Variants in BANK1 observed in about 807,000 individuals in gnomAD.
BANK1 encodes B-cell scaffold protein with ankyrin repeats.
In BANK1, 95 loss-of-function variants were observed where a neutral mutation model predicts 94.5. The observed-to-expected ratio is 1.00, with a 90% CI of 0.85 to 1.19. BANK1 has a LOEUF of 1.19. Ranked by LOEUF, BANK1 falls within the 50% of genes most tolerant of loss-of-function variation. BANK1 has a pLI of 0.00. For missense variants in BANK1, 987 were observed against 932.2 expected, an observed-to-expected ratio of 1.06 and a Z score of -0.77; for synonymous variants, 334 against 308.4, an observed-to-expected ratio of 1.08 and a Z score of -0.87.
At chr4:101,890,961 G>A (rs1032703986) in intron 5 of BANK1, among the ~76,000 whole-genome samples, 6 of 151,838 alleles carry the variant, frequency 4.0e-5, no homozygotes, top group African/African-American at 1.5e-4. Context: ...TAATATAAAT[G>A]TCTTAGATAT....
In BANK1 at chr4:101,865,617, A is replaced by G. The variant is rs1295280855; in HGVS notation, c.763+2953A>G. On this transcript the variant is annotated intron_variant, in intron 4 of 16. Coordinates refer to ENST00000322953, the MANE Select transcript of BANK1 (RefSeq NM_017935.5). ...TGGCTCCCTCTGGCCTTCCTGTCTC[A>G]CTTAAAGGGGATTAGGGGAAGGTAT... Among the ~76,000 whole-genome samples, 11 of 152,114 alleles carry G rather than the reference A, an allele frequency of 7.2e-5. No individual in the cohort carries two copies. The East Asian group carries it at 2.1e-3, about 29-fold the overall frequency.
chr4:101,874,839 A>G (rs1728428664), intron 5 of BANK1, among the ~76,000 whole-genome samples: 2 of 152,198 alleles, frequency 1.3e-5, no homozygotes, highest in Admixed American at 1.3e-4. Context: ...TCACACAACT[A>G]GTTCCTGATA....
At chr4:102,007,132 ATAAAAAATAT>A (rs1726315749) in intron 7 of BANK1, among the ~76,000 whole-genome samples, 2 of 55,616 alleles carry the variant, frequency 3.6e-5, no homozygotes, top group Non-Finnish European at 6.7e-5. Flanking sequence ...TTATATATAT[ATAAAAAATAT>A]ATTTTATATA....
At chr4:102,022,104 A>G (rs1395449681) in intron 8 of BANK1, among the ~76,000 whole-genome samples, 2 of 152,088 alleles carry the variant, frequency 1.3e-5, no homozygotes, top group Non-Finnish European at 2.9e-5. Flanking sequence ...ACATGTATAT[A>G]TAAACGTGTA....
rs1350924013 is a variant in BANK1 at position 102,043,848 on chromosome 4, A to G, written c.1910A>G (p.Gln637Arg). The change falls in exon 11 of 17, where the codon CAA (glutamine) becomes CGA (arginine). Residue 637 changes from glutamine to arginine, a missense_variant. Coordinates refer to ENST00000322953, the MANE Select transcript of BANK1 (RefSeq NM_017935.5). ...TTPYIAQVFQ[Q>R]KTARRQSDDD... The stretch of plus-strand genomic sequence containing the variant: ...TCTATACTTTTTACAGTGTTTCAAC[A>G]AAAGACAGCCAGAAGACAATCTGAT... 1 of 1,602,496 alleles carries G rather than the reference A, an allele frequency of 6.2e-7. No individual in the cohort carries two copies. The highest frequency in any genetic ancestry group is 8.5e-7 in the Non-Finnish European group (1 of 1,171,050).
chr4:102,026,748 G>A (rs1387486600), intron 9 of BANK1, among the ~76,000 whole-genome samples: 1 of 151,528 alleles, frequency 6.6e-6, no homozygotes. Flanking sequence ...CTTGAGCCCG[G>A]GAGGCGGAGG....
chr4:101,885,351 C>A (rs1241122696), intron 5 of BANK1, among the ~76,000 whole-genome samples: 1 of 152,194 alleles, frequency 6.6e-6, no homozygotes, highest in Non-Finnish European at 1.5e-5. Context: ...TTCTCCTTCT[C>A]TCCAGTTTAA....
At chr4:101,913,827 C>T (rs1560630273) in intron 6 of BANK1, among the ~76,000 whole-genome samples, 2 of 152,118 alleles carry the variant, frequency 1.3e-5, no homozygotes, top group Non-Finnish European at 2.9e-5. Flanking sequence ...GAATTCCATC[C>T]ACTAGGATAT....
intron 11 of BANK1, among the ~76,000 whole-genome samples, chr4:102,052,113 C>CTTTTTTTTTTTTTTTTTTTTTTTTTT (rs199811166): frequency 9.6e-6 from 1 of 103,994 alleles, no homozygotes; most frequent in Non-Finnish European, 1.9e-5. Context: ...TTCTTTTTTT[C>CTTTTTTTTTTTTTTTTTTTTTTTTTT]TTTTTTTTTT....
intron 7 of BANK1, among the ~76,000 whole-genome samples, chr4:102,000,660 A>G (rs900359488): frequency 6.6e-6 from 1 of 152,224 alleles, no homozygotes; most frequent in Non-Finnish European, 1.5e-5. Context: ...GCAATAATTC[A>G]GGTAAGCAAT....
chr4:101,957,413 C>A (rs1724384489), intron 7 of BANK1, among the ~76,000 whole-genome samples: 1 of 152,142 alleles, frequency 6.6e-6, no homozygotes, highest in Non-Finnish European at 1.5e-5. Context: ...TTATTTGGGG[C>A]CTACCAGACA....
intron 9 of BANK1, among the ~76,000 whole-genome samples, chr4:102,026,527 G>C (rs768126456): frequency 6.6e-6 from 1 of 151,924 alleles, no homozygotes; most frequent in Non-Finnish European, 1.5e-5. Flanking sequence ...AAATTTTTAC[G>C]CAATGAAATT....
intron 7 of BANK1, among the ~76,000 whole-genome samples, chr4:102,002,280 C>T (rs1027478289): frequency 6.6e-6 from 1 of 151,668 alleles, no homozygotes; most frequent in Non-Finnish European, 1.5e-5. Context: ...AGAAAGGCTT[C>T]GTTTTTAAAT....
rs115663316 is a variant in BANK1 at position 101,812,249 on chromosome 4, A to G, written c.71-17559A>G. 6.2e-3 allele frequency among the ~76,000 whole-genome samples: 943 copies of G among 152,026 alleles called. 16 individuals carry two copies. Among genetic ancestry groups the G allele is most frequent in the African/African-American group, 0.022 (897 of 41,570 alleles). On this transcript the variant is annotated intron_variant, in intron 1 of 16. Transcript: ENST00000322953. ...TAAGAAGTTCCAAAGAATAAACTGT[A>G]TCTTTAATTATATATATTTTTAAGT...
At chr4:101,791,075 C>A (rs1254499444) in intron 1 of BANK1, 125 bp downstream of exon 1, 1 of 786,960 alleles carries the variant, frequency 1.3e-6, no homozygotes, top group Non-Finnish European at 1.9e-6. Context: ...TGAGACAGGG[C>A]TTCTCCTTTT....
chr4:101,878,395 G>A (rs577514512), intron 5 of BANK1, among the ~76,000 whole-genome samples: 1 of 152,096 alleles, frequency 6.6e-6, no homozygotes, highest in Admixed American at 6.5e-5. Context: ...ATTCAATTCG[G>A]TAACAGTATA....
At chr4:101,921,039 C>T (rs1258338641) in intron 7 of BANK1, among the ~76,000 whole-genome samples, 1 of 151,742 alleles carries the variant, frequency 6.6e-6, no homozygotes, top group Non-Finnish European at 1.5e-5. Context: ...TGCTTCATGA[C>T]ATTTTTTATT....
At chr4:102,007,146 T>TATATAAATATATA (rs1560682317) in intron 7 of BANK1, among the ~76,000 whole-genome samples, 1 of 38,068 alleles carries the variant, frequency 2.6e-5, no homozygotes, top group Admixed American at 3.9e-4. Flanking sequence ...AAAATATATT[T>TATATAAATATATA]TATATATATA....
intron 6 of BANK1, among the ~76,000 whole-genome samples, chr4:101,906,236 CA>C (rs1449759929): frequency 6.6e-6 from 1 of 152,174 alleles, no homozygotes; most frequent in Non-Finnish European, 1.5e-5. Flanking sequence ...TTAACAGTCC[CA>C]TTACAAAAGG....
Sources: allele counts gnomAD v4.1 joint callset (sites outside exome capture counted in the v4.1 genomes callset), GRCh38; gene constraint gnomAD v4.1.1; transcripts MANE v1.5; gene names NCBI Gene and HGNC (gene_info 2026-07-23, HGNC 2026-07-21).